The following ZNF517 variants were observed in gnomAD, a reference collection of about 807,000 sequenced individuals.
The protein encoded by ZNF517 is zinc finger protein 517.
ZNF517 carries 12 observed loss-of-function variants against 12.1 expected under a neutral mutation model. That is an observed-to-expected ratio of 0.99 (90% CI 0.63 to 1.61). The LOEUF is 1.61. Ranked by LOEUF, ZNF517 falls within the 40% of genes most tolerant of loss-of-function variation. The probability of loss-of-function intolerance (pLI) is 0.00; values close to 1 mark genes in which losing one functional copy is unlikely to be tolerated. For missense variants in ZNF517, 781 were observed against 693.2 expected, an observed-to-expected ratio of 1.13 and a Z score of -1.42; for synonymous variants, 388 against 310.2, an observed-to-expected ratio of 1.25 and a Z score of -2.63.
At chr8:144,799,945 A>C (rs909278577) in intron 1 of ZNF517, among the ~76,000 whole-genome samples, 1 of 152,208 alleles carries the variant, frequency 6.6e-6, no homozygotes, top group African/African-American at 2.4e-5. Flanking sequence ...GTCGCAAACA[A>C]CAGCAACAAC....
At chr8:144,805,218 G>A (rs1027752241) in intron 4 of ZNF517, among the ~76,000 whole-genome samples, 2 of 152,254 alleles carry the variant, frequency 1.3e-5, no homozygotes, top group Non-Finnish European at 2.9e-5. Flanking sequence ...GGCCCTGTCC[G>A]GGCGTGACAG....
rs1205126372 is a variant in ZNF517, at chr8:144,808,100, C to T, written c.1184C>T (p.Pro395Leu). ...LHLRLHTGEK[P>L]FECAECGKAF... ...CTGCGCCTACACACGGGCGAGAAGC[C>T]GTTCGAGTGCGCGGAGTGCGGCAAG... The change falls in exon 5 of 5, where the codon CCG becomes CTG. Residue 395 changes from proline (P) to leucine (L), a missense_variant. Coordinates refer to ENST00000359971, the MANE Select transcript of ZNF517 (RefSeq NM_213605.3). 5 of 1,612,156 alleles carry T rather than the reference C, an allele frequency of 3.1e-6. No individual in the cohort carries two copies. The highest frequency in any genetic ancestry group is 3.4e-6 in the Non-Finnish European group (4 of 1,179,514).
Position 144,808,815 on chromosome 8 carries a change from A to T in ZNF517, c.*420A>T, listed in dbSNP as rs550685553. On this transcript the variant is annotated 3_prime_UTR_variant, in exon 5 of 5. Transcript: ENST00000359971. ...TAGCGCCAGGCTCCGTGTGGCGGTC[A>T]ATTCCAGGTGCTGTAAAGCCGACTA... 1 of 159,608 alleles carries T rather than the reference A, an allele frequency of 6.3e-6. No homozygotes were observed. Among genetic ancestry groups the T allele is most frequent in the African/African-American group, 2.4e-5 (1 of 41,746 alleles). 9.9% of individuals were successfully genotyped at this position (159,608 alleles called of 1,614,324 possible).
chr8:144,805,513 G>A (rs10110016), intron 4 of ZNF517, among the ~76,000 whole-genome samples: 1,659 of 149,154 alleles, frequency 0.011, 34 homozygotes, highest in African/African-American at 0.039. Flanking sequence ...TGTATTTTTA[G>A]TAGAGACGAG....
At chr8:144,800,976 C>G (rs537187391) in intron 1 of ZNF517, among the ~76,000 whole-genome samples, 1 of 152,222 alleles carries the variant, frequency 6.6e-6, no homozygotes, top group South Asian at 2.1e-4. Flanking sequence ...ATTACAGGTG[C>G]GTACCAGCAC....
intron 4 of ZNF517, 106 bp from the exon 5 acceptor site, chr8:144,807,085 G>A (rs1827259067): frequency 1.4e-6 from 2 of 1,405,896 alleles, no homozygotes; most frequent in Non-Finnish European, 9.5e-7. Context: ...GTAAAGCTGG[G>A]TGTTGGGGGA....
intron 4 of ZNF517, among the ~76,000 whole-genome samples, chr8:144,805,224 G>A (rs983518933): frequency 1.3e-5 from 2 of 152,264 alleles, no homozygotes; most frequent in Non-Finnish European, 2.9e-5. Flanking sequence ...GTCCGGGCGT[G>A]ACAGAGGCTC....
chr8:144,804,017 T>A (rs1347132913), intron 3 of ZNF517, 108 bp from the exon 4 acceptor site: 1 of 1,201,364 alleles, frequency 8.3e-7, no homozygotes, highest in Admixed American at 2.3e-5. Flanking sequence ...TAGTGAATGT[T>A]CCTGACCCAC....
In ZNF517 at chr8:144,808,360, A is replaced by G; in HGVS notation, c.1444A>G (p.Thr482Ala). 1 of 1,470,056 alleles carries G rather than the reference A, an allele frequency of 6.8e-7. No homozygotes were observed. Among genetic ancestry groups the G allele is most frequent in the Non-Finnish European group, 9.0e-7 (1 of 1,109,344 alleles). The allele number at this position is 1,470,056 out of a possible 1,614,324, so 91.1% of individuals were successfully genotyped here. Residue 482 changes from threonine to alanine, a missense_variant, in exon 5 of 5, where the codon ACA (threonine) becomes GCA (alanine). Coordinates refer to ENST00000359971, the MANE Select transcript of ZNF517 (RefSeq NM_213605.3). ...GCACGGCCGCGAGCCCGGGGAGGACACAGAGGGCAGGCGGGCGCCCTGTTG... is the reference window on the plus strand; with the variant it reads ...GCACGGCCGCGAGCCCGGGGAGGACGCAGAGGGCAGGCGGGCGCCCTGTTG... Reference protein sequence around the residue: ...KVHGREPGEDTEGRRAPCWAS With the variant: ...KVHGREPGEDAEGRRAPCWAS
At position 144,808,435 on chromosome 8, in the gene ZNF517, AC is replaced by A; in HGVS notation, c.*43del. On this transcript the variant is annotated 3_prime_UTR_variant, in exon 5 of 5. Coordinates refer to ENST00000359971, the MANE Select transcript of ZNF517 (RefSeq NM_213605.3). ...GGCCGAGGATTCACGCTGGAAGCCC[AC>A]CCAAGCCGGCGGGGCCCTAGCGCAG... 1 of 1,436,906 alleles carries A rather than the reference AC, an allele frequency of 7.0e-7. No homozygotes were observed. Among genetic ancestry groups the A allele is most frequent in the Admixed American group, 3.0e-5 (1 of 33,432 alleles). The allele number at this position is 1,436,906 out of a possible 1,614,324, so 89.0% of individuals were successfully genotyped here.
rs1166093158 is a variant in ZNF517, at chr8:144,807,933, C to T, written c.1017C>T (p.His339=). ...GSSLLKHHRL[H]AQEGAQDGGV... is the part of the protein sequence containing the mutation. The stretch of plus-strand genomic sequence containing the variant: ...CGCTCCTGAAGCACCACCGGCTGCA[C>T]GCGCAGGAGGGTGCCCAGGACGGCG... Residue 339 remains histidine (H), a synonymous_variant, in exon 5 of 5, where the codon CAC becomes CAT. Transcript: ENST00000359971. 4 of 1,509,034 alleles carry T rather than the reference C, an allele frequency of 2.7e-6. No individual in the cohort carries two copies. The highest frequency in any genetic ancestry group is 4.7e-5 in the Admixed American group (2 of 42,996). The allele number at this position is 1,509,034 out of a possible 1,614,324, so 93.5% of individuals were successfully genotyped here. A position where few individuals can be genotyped will look rare whatever the true frequency, so the allele number is the denominator to read the frequency against.
At chr8:144,801,242 C>T (rs1231330750) in intron 1 of ZNF517, among the ~76,000 whole-genome samples, 1 of 152,166 alleles carries the variant, frequency 6.6e-6, no homozygotes, top group African/African-American at 2.4e-5. Flanking sequence ...GAGACCTTCA[C>T]CCAAACACAA....
At position 144,798,939 on chromosome 8, in the gene ZNF517, T is replaced by C. The variant is rs1363768627; in HGVS notation, c.-46+2T>C. On this transcript the variant is annotated splice_donor_variant, in intron 1 of 4. Coordinates refer to ENST00000359971, the MANE Select transcript of ZNF517 (RefSeq NM_213605.3). LOFTEE classifies it low-confidence loss of function (5UTR_SPLICE). Reference sequence around the variant, plus strand: ...CCCGCGCTGTCTCGGCGGCCCAGGGTGAGTCGGCCGCGGCCGCGGGGCGGG... The same window carrying C: ...CCCGCGCTGTCTCGGCGGCCCAGGGCGAGTCGGCCGCGGCCGCGGGGCGGG... The C allele has an allele frequency of 6.6e-6, 1 of 151,366 alleles. No homozygotes were observed. The highest frequency in any genetic ancestry group is 1.5e-5 in the Non-Finnish European group (1 of 67,788). The allele number at this position is 151,366 out of a possible 1,614,324, so 9.4% of individuals were successfully genotyped here.
Position 144,807,545 on chromosome 8 carries a change from G to A in ZNF517, c.629G>A (p.Cys210Tyr), listed in dbSNP as rs1480286320. 2 of 1,598,036 alleles carry A rather than the reference G, an allele frequency of 1.3e-6. No homozygotes were observed. Among genetic ancestry groups the A allele is most frequent in the South Asian group, 1.1e-5 (1 of 88,980 alleles). ...TGAKPFQCTE[C>Y]GKAFKQSSIL... ...GCCAAGCCCTTCCAGTGCACAGAGT[G>A]CGGGAAGGCCTTCAAGCAAAGCTCC... Residue 210 changes from cysteine to tyrosine, a missense_variant, in exon 5 of 5, where the codon TGC becomes TAC. Cys to Tyr is a radical substitution (Grantham distance 194, BLOSUM62 -2). Transcript: ENST00000359971.
Position 144,807,032 on chromosome 8 carries a change from C to G in ZNF517, c.275-159C>G, listed in dbSNP as rs1442946200. Among the ~76,000 whole-genome samples, 3 of 152,248 alleles carry G rather than the reference C, an allele frequency of 2.0e-5. No homozygotes were observed. The East Asian group carries it at 5.8e-4, about 29-fold the overall frequency. On this transcript the variant is annotated intron_variant, in intron 4 of 4. Coordinates refer to ENST00000359971, the MANE Select transcript of ZNF517 (RefSeq NM_213605.3). ...CTCTGGGTTCAAGCAATTCTCCTGC[C>G]TCAGCCTCCTGTATACAAGTTTTAT...
chr8:144,808,459 C>T lies in ZNF517; in HGVS notation c.*64C>T. On this transcript the variant is annotated 3_prime_UTR_variant, in exon 5 of 5. Coordinates refer to ENST00000359971, the MANE Select transcript of ZNF517 (RefSeq NM_213605.3). ...CACCCAAGCCGGCGGGGCCCTAGCG[C>T]AGAAATTCAGAACCCCCTGTCCTGA... The T allele has an allele frequency of 7.0e-7, 1 of 1,418,698 alleles. No individual in the cohort carries two copies. The highest frequency in any genetic ancestry group is 9.2e-7 in the Non-Finnish European group (1 of 1,086,308). The allele number at this position is 1,418,698 out of a possible 1,614,324, so 87.9% of individuals were successfully genotyped here.
intron 1 of ZNF517, among the ~76,000 whole-genome samples, chr8:144,799,806 G>A (rs1486681352): frequency 2.0e-5 from 3 of 150,956 alleles, no homozygotes; most frequent in Non-Finnish European, 4.4e-5. Flanking sequence ...CGGGCGTGGT[G>A]GCGGGCGCCT....
chr8:144,810,438 A>C (rs1827519803), downstream of ZNF517: 1 of 420,654 alleles, frequency 2.4e-6, no homozygotes, highest in African/African-American at 2.0e-5. Context: ...GTAGGGCACC[A>C]AGATGGGGAG....
At chr8:144,800,660 G>A in intron 1 of ZNF517, 1 of 985,364 alleles carries the variant, frequency 1.0e-6, no homozygotes, top group Non-Finnish European at 1.2e-6. Flanking sequence ...CTGGGTGGGG[G>A]TGGTGTGGCC....
Sources: gnomAD v4.1 joint callset for allele counts (sites outside exome capture counted in the v4.1 genomes callset) on GRCh38, gnomAD v4.1.1 for gene constraint, MANE v1.5 for transcripts, NCBI Gene and HGNC (gene_info 2026-07-23, HGNC 2026-07-21) for gene names.